The following USP5 variants were observed in gnomAD, a reference collection of about 807,000 sequenced individuals.
The protein encoded by USP5 is ubiquitin specific peptidase 5, also known as ubiquitin carboxyl-terminal hydrolase 5.
USP5 carries 24 observed loss-of-function variants against 102.5 expected under a neutral mutation model. The observed-to-expected ratio is 0.23, with a 90% confidence interval of 0.17 to 0.33. USP5 has a LOEUF of 0.33. USP5 is among the 10% of genes least tolerant of loss of function. The pLI, the probability that USP5 is intolerant of heterozygous loss-of-function variation, is 1.00. For missense variants in USP5, 753 were observed against 1,122.1 expected, an observed-to-expected ratio of 0.67 and a Z score of 4.70; for synonymous variants, 460 against 434.8, an observed-to-expected ratio of 1.06 and a Z score of -0.72.
chr12:6,855,650 CT>C lies in USP5; in HGVS notation c.238-102del, dbSNP rs1412184622. The C allele has an allele frequency of 1.3e-6, 2 of 1,588,766 alleles. No individual in the cohort carries two copies. Among genetic ancestry groups the C allele is most frequent in the African/African-American group, 2.7e-5 (2 of 73,794 alleles). ...AAAGCTTGGCACAGATGTTTTTTAG[CT>C]TTATTCCGTTCTGAGATGAAGCACT... On this transcript the variant is annotated intron_variant, in intron 2 of 19. Transcript: ENST00000229268. This position sits in a 1 kb window ranked among gnomAD's most constrained non-coding sequence, Gnocchi z 4.6.
chr12:6,862,697 G>A, intron 14 of USP5, 139 bp downstream of exon 14: 1 of 707,028 alleles, frequency 1.4e-6, no homozygotes, highest in Non-Finnish European at 2.3e-6. Context: ...AATTTATCTA[G>A]TTTGAAAGCA....
intron 9 of USP5, among the ~76,000 whole-genome samples, chr12:6,859,935 G>A (rs547080960): frequency 4.6e-5 from 7 of 152,296 alleles, no homozygotes; most frequent in African/African-American, 1.7e-4. Context: ...GATTACAGGC[G>A]TGAGCCACCG....
In USP5 at chr12:6,856,594, A is replaced by G. The variant is rs1944120091; in HGVS notation, c.585-113A>G. The G allele has an allele frequency of 6.5e-7, 1 of 1,533,436 alleles. No individual in the cohort carries two copies. The highest frequency in any genetic ancestry group is 8.7e-7 in the Non-Finnish European group (1 of 1,143,656). 95.0% of individuals were successfully genotyped at this position (1,533,436 alleles called of 1,614,324 possible). On this transcript the variant is annotated intron_variant, in intron 5 of 19. Coordinates refer to ENST00000229268, the MANE Select transcript of USP5 (RefSeq NM_001098536.2). This position sits in a 1 kb window ranked among gnomAD's most constrained non-coding sequence, Gnocchi z 5.6. ...ATGAACACGACATGGGGATGGCCAGAGGAGAAGAGAGAGAGACCTTGGATT... is the reference window on the plus strand; with the variant it reads ...ATGAACACGACATGGGGATGGCCAGGGGAGAAGAGAGAGAGACCTTGGATT...
rs115612078 is a variant in USP5 at position 6,860,410 on chromosome 12, C to T, written c.1263C>T (p.Ile421=). The T allele has an allele frequency of 1.1e-3, 1,756 of 1,614,172 alleles. 2 individuals carry two copies. The highest frequency in any genetic ancestry group is 4.3e-3 in the African/African-American group (324 of 75,042). ...CCCCTCGGATGTTCAAGGCCCTCAT[C>T]GGCAAGGGCCACCCTGAATTCTCCA... ...GIAPRMFKAL[I]GKGHPEFSTN... is the part of the protein sequence containing the mutation. The change falls in exon 11 of 20, where the codon ATC becomes ATT. Residue 421 remains isoleucine (I), a synonymous_variant. Coordinates refer to ENST00000229268, the MANE Select transcript of USP5 (RefSeq NM_001098536.2). The surrounding 1 kb of genome is among the most constrained non-coding windows in gnomAD (Gnocchi z 5.5).
In USP5 at chr12:6,863,194, A is replaced by G; in HGVS notation, c.1771A>G (p.Ile591Val). Residue 591 changes from isoleucine to valine, a missense_variant, in exon 15 of 20, where the codon ATC becomes GTC. Ile to Val is a conservative substitution (Grantham distance 29). Transcript: ENST00000229268. This position sits in a 1 kb window ranked among gnomAD's most constrained non-coding sequence, Gnocchi z 4.7. ...TGACCCTTTTCCCACAGATGTGTCCATCGAGATGCCAGAGGAGCTCGACAT... is the reference window on the plus strand; with the variant it reads ...TGACCCTTTTCCCACAGATGTGTCCGTCGAGATGCCAGAGGAGCTCGACAT... ...DWVPKKLDVS[I>V]EMPEELDISQ... 1.9e-6 allele frequency: 3 copies of G among 1,611,786 alleles called. No individual in the cohort carries two copies. Among genetic ancestry groups the G allele is most frequent in the East Asian group, 2.2e-5 (1 of 44,852 alleles).
In USP5 at chr12:6,866,203, A is replaced by T. The variant is rs1944440799; in HGVS notation, c.*126A>T. ...TTTCCTTTTGTCCCCGGCAGCAGGG[A>T]AGAAGCTGGAGGCCGTGGGAGAATG... is the stretch of plus-strand genomic sequence containing the variant. On this transcript the variant is annotated 3_prime_UTR_variant, in exon 20 of 20. Coordinates refer to ENST00000229268, the MANE Select transcript of USP5 (RefSeq NM_001098536.2). This position sits in a 1 kb window ranked among gnomAD's most constrained non-coding sequence, Gnocchi z 4.7. 1.2e-6 allele frequency: 1 copy of T among 864,054 alleles called. No homozygotes were observed. 53.5% of individuals were successfully genotyped at this position (864,054 alleles called of 1,614,324 possible). A position where few individuals can be genotyped will look rare whatever the true frequency, so the allele number is the denominator to read the frequency against.
chr12:6,858,842 G>C lies in USP5; in HGVS notation c.1058+225G>C. 1 of 436,280 alleles carries C rather than the reference G, an allele frequency of 2.3e-6. No homozygotes were observed. Among genetic ancestry groups the C allele is most frequent in the Non-Finnish European group, 4.1e-6 (1 of 241,360 alleles). The allele number at this position is 436,280 out of a possible 1,614,324, so 27.0% of individuals were successfully genotyped here. ...GAGACCAGCCTGGGCAACATAGCGAGACCCTGTCTTCTCTTAAAAAAAAAA... is the reference window on the plus strand; with the variant it reads ...GAGACCAGCCTGGGCAACATAGCGACACCCTGTCTTCTCTTAAAAAAAAAA... On this transcript the variant is annotated intron_variant, in intron 8 of 19. Transcript: ENST00000229268. The surrounding 1 kb of genome is among the most constrained non-coding windows in gnomAD (Gnocchi z 4.2).
At position 6,860,942 on chromosome 12, in the gene USP5, C is replaced by T. The variant is rs1208295837; in HGVS notation, c.1345-11C>T. 5 of 1,613,948 alleles carry T rather than the reference C, an allele frequency of 3.1e-6. No homozygotes were observed. Among genetic ancestry groups the T allele is most frequent in the Non-Finnish European group, 4.2e-6 (5 of 1,179,972 alleles). On this transcript the variant is annotated splice_polypyrimidine_tract_variant and intron_variant, in intron 11 of 19. Transcript: ENST00000229268. The surrounding 1 kb of genome is among the most constrained non-coding windows in gnomAD (Gnocchi z 5.5). ...CTGCCCAGACCTCCCTACCCTGCCT[C>T]TTTCCCATAGAGGAATTGCCGGAGC...
At position 6,856,148 on chromosome 12, in the gene USP5, C is replaced by G. The variant is rs369790819; in HGVS notation, c.436C>G (p.Arg146Gly). The change falls in exon 4 of 20, where the codon CGG becomes GGG. Residue 146 changes from arginine (R) to glycine (G), a missense_variant and splice_region_variant. Transcript: ENST00000229268. The surrounding 1 kb of genome is among the most constrained non-coding windows in gnomAD (Gnocchi z 5.6). ...GGGACTGCCTGACATTGTCAGAGAT[C>G]GGGTATGACTGCCCCCTATGCTACC... ...LGGLPDIVRD[R>G]VTSAVEALLS... 1 of 1,613,980 alleles carries G rather than the reference C, an allele frequency of 6.2e-7. No individual in the cohort carries two copies.
In USP5 at chr12:6,858,440, C is replaced by T. The variant is rs1555128824; in HGVS notation, c.881C>T (p.Thr294Ile). ...LKMQKTDKTM[T>I]ELEIDMNQRI... ...CTCACACAGACAGACAAGACGATGA[C>T]TGAGTTGGAGATAGACATGAACCAG... The change falls in exon 8 of 20, where the codon ACT becomes ATT. Residue 294 changes from threonine (T) to isoleucine (I), a missense_variant. Coordinates refer to ENST00000229268, the MANE Select transcript of USP5 (RefSeq NM_001098536.2). This position sits in a 1 kb window ranked among gnomAD's most constrained non-coding sequence, Gnocchi z 4.2. The T allele has an allele frequency of 6.2e-7, 1 of 1,603,862 alleles. No individual in the cohort carries two copies. Among genetic ancestry groups the T allele is most frequent in the Non-Finnish European group, 8.5e-7 (1 of 1,171,190 alleles).
At chr12:6,859,599 T>A in intron 9 of USP5, 58 bp downstream of exon 9, 1 of 1,560,618 alleles carries the variant, frequency 6.4e-7, no homozygotes, top group Non-Finnish European at 8.8e-7. Flanking sequence ...TATACCTTCC[T>A]CCTCCCTGAC....
intron 6 of USP5, chr12:6,857,323 T>C: frequency 2.8e-6 from 1 of 355,746 alleles, no homozygotes; most frequent in East Asian, 5.1e-5. Context: ...TGAGACTAAA[T>C]TTTTGATTAC....
chr12:6,855,812 C>T lies in USP5; in HGVS notation c.295C>T (p.Leu99=). 1 of 1,614,210 alleles carries T rather than the reference C, an allele frequency of 6.2e-7. No homozygotes were observed. Among genetic ancestry groups the T allele is most frequent in the Non-Finnish European group, 8.5e-7 (1 of 1,180,030 alleles). Residue 99 remains leucine, a synonymous_variant, in exon 3 of 20, where the codon CTG becomes TTG. Transcript: ENST00000229268. This position sits in a 1 kb window ranked among gnomAD's most constrained non-coding sequence, Gnocchi z 4.6. ...GDPPRKKPTR[L]AIGVEGGFDL... Reference sequence around the variant, plus strand: ...CCCACCCCGGAAGAAGCCCACGCGGCTGGCTATTGGTGAGCACCGCTGCAG... The same window carrying T: ...CCCACCCCGGAAGAAGCCCACGCGGTTGGCTATTGGTGAGCACCGCTGCAG...
At position 6,860,124 on chromosome 12, in the gene USP5, G is replaced by A. The variant is rs781934544; in HGVS notation, c.1131-27G>A. ...CACAGGGTCGTTAGTTGACTGAAGT[G>A]AAATGTTTTCTTGGATATTAATGCA... On this transcript the variant is annotated intron_variant, in intron 9 of 19. Transcript: ENST00000229268. This position sits in a 1 kb window ranked among gnomAD's most constrained non-coding sequence, Gnocchi z 5.5. The A allele has an allele frequency of 1.2e-6, 2 of 1,607,384 alleles. No homozygotes were observed. Among genetic ancestry groups the A allele is most frequent in the South Asian group, 2.2e-5 (2 of 90,034 alleles).
chr12:6,855,836 A>G lies in USP5; in HGVS notation c.304+15A>G. ...GCTGGCTATTGGTGAGCACCGCTGCAGTCCTATTCTTCTCCCTGAGCTGGT... is the reference window on the plus strand; with the variant it reads ...GCTGGCTATTGGTGAGCACCGCTGCGGTCCTATTCTTCTCCCTGAGCTGGT... On this transcript the variant is annotated intron_variant, in intron 3 of 19. Coordinates refer to ENST00000229268, the MANE Select transcript of USP5 (RefSeq NM_001098536.2). This position sits in a 1 kb window ranked among gnomAD's most constrained non-coding sequence, Gnocchi z 4.6. The G allele has an allele frequency of 6.2e-7, 1 of 1,614,188 alleles. No homozygotes were observed. The highest frequency in any genetic ancestry group is 8.5e-7 in the Non-Finnish European group (1 of 1,179,996).
intron 6 of USP5, 131 bp downstream of exon 6, chr12:6,857,022 A>C: frequency 4.3e-5 from 53 of 1,239,110 alleles, no homozygotes; most frequent in Non-Finnish European, 5.7e-5. Flanking sequence ...GCGGTGGCTC[A>C]TGTTTGCAAT....
chr12:6,865,498 A>G (rs1555130657), intron 19 of USP5, among the ~76,000 whole-genome samples: 1 of 152,150 alleles, frequency 6.6e-6, no homozygotes, highest in East Asian at 1.9e-4. Flanking sequence ...CCTGAGCTCA[A>G]GTGATCCTTC....
In USP5 at chr12:6,855,665, A is replaced by T; in HGVS notation, c.238-90A>T. 4.4e-6 allele frequency: 7 copies of T among 1,596,584 alleles called. No homozygotes were observed. Among genetic ancestry groups the T allele is most frequent in the Non-Finnish European group, 6.0e-6 (7 of 1,168,610 alleles). Reference sequence around the variant, plus strand: ...TGTTTTTTAGCTTTATTCCGTTCTGAGATGAAGCACTACCTCCTTCCGTCC... The same window carrying T: ...TGTTTTTTAGCTTTATTCCGTTCTGTGATGAAGCACTACCTCCTTCCGTCC... On this transcript the variant is annotated intron_variant, in intron 2 of 19. Coordinates refer to ENST00000229268, the MANE Select transcript of USP5 (RefSeq NM_001098536.2). This position sits in a 1 kb window ranked among gnomAD's most constrained non-coding sequence, Gnocchi z 4.6.
intron 9 of USP5, 21 bp downstream of exon 9, chr12:6,859,562 T>C: frequency 6.2e-7 from 1 of 1,613,176 alleles, no homozygotes; most frequent in Non-Finnish European, 8.5e-7. Flanking sequence ...AGGTCCTATG[T>C]AGGAAAGCTG....
Sources: gnomAD v4.1 joint callset for allele counts (sites outside exome capture counted in the v4.1 genomes callset) on GRCh38, gnomAD v4.1.1 for gene constraint, Gnocchi (gnomAD v3.1) non-coding constraint, MANE v1.5 for transcripts, NCBI Gene and HGNC (gene_info 2026-07-23, HGNC 2026-07-21) for gene names.